Variants in MACO1 observed in about 807,000 individuals in gnomAD.
The protein encoded by MACO1 is macoilin.
MACO1 carries 14 observed loss-of-function variants against 78.7 expected under a neutral mutation model. The observed-to-expected ratio is 0.18, with a 90% CI of 0.12 to 0.28. The LOEUF (loss-of-function observed/expected upper bound fraction) is 0.28, where lower values mean the gene tolerates loss of function less well. Ranked by LOEUF, MACO1 falls within the 10% of genes least tolerant of loss-of-function variation. MACO1 has a pLI of 1.00. For missense variants in MACO1, 501 were observed against 799.0 expected (o/e 0.63, Z 4.50); for synonymous variants, 288 against 291.6 (o/e 0.99, Z 0.12).
intron 6 of MACO1, among the ~76,000 whole-genome samples, chr1:25,475,478 G>A (rs116420445): frequency 0.017 from 2,614 of 151,528 alleles, 32 homozygotes; most frequent in Non-Finnish European, 0.028. Context: ...TTGAGAGGCC[G>A]AGGTGGGAGG....
rs906391554 is a variant in MACO1 at position 25,487,611 on chromosome 1, TTATGA to T, written c.1497-1559_1497-1555del. ...TGCCATCATCTCTTTTAGCTCAACC[TTATGA>T]TAGCCCTGAGAAGCAGCTCAACAGT... is the stretch of plus-strand genomic sequence containing the variant. On this transcript the variant is annotated intron_variant, in intron 8 of 10. Transcript: ENST00000374343. 8.5e-4 allele frequency among the ~76,000 whole-genome samples: 129 copies of T among 152,332 alleles called. 1 individual carries two copies. Among genetic ancestry groups the T allele is most frequent in the African/African-American group, 2.3e-3 (96 of 41,578 alleles).
chr1:25,476,407 G>A (rs1052165083), intron 6 of MACO1, among the ~76,000 whole-genome samples: 3 of 152,196 alleles, frequency 2.0e-5, no homozygotes, highest in African/African-American at 7.2e-5. Context: ...TGACACCAGA[G>A]GCAGCTTCAT....
At chr1:25,439,973 G>A (rs996731868) in intron 1 of MACO1, among the ~76,000 whole-genome samples, 18 of 148,834 alleles carry the variant, frequency 1.2e-4, no homozygotes, top group African/African-American at 2.5e-4. Flanking sequence ...AGCCGAGATC[G>A]TACCATTGCA....
chr1:25,440,714 G>A (rs1042285094), intron 1 of MACO1, among the ~76,000 whole-genome samples: 1 of 148,042 alleles, frequency 6.8e-6, no homozygotes, highest in Non-Finnish European at 1.5e-5. Context: ...GTTGCAGTGA[G>A]CCAAGATTGC....
intron 4 of MACO1, among the ~76,000 whole-genome samples, chr1:25,454,928 G>A (rs184226198): frequency 6.6e-6 from 1 of 152,262 alleles, no homozygotes; most frequent in Admixed American, 6.5e-5. Flanking sequence ...TCAGGCAGAT[G>A]AGTGAATCCC....
At chr1:25,451,759 AGC>A (rs1331404931) in intron 3 of MACO1, among the ~76,000 whole-genome samples, 2 of 152,064 alleles carry the variant, frequency 1.3e-5, no homozygotes. Context: ...TACAAAAATT[AGC>A]CAGGCATGGT....
chr1:25,492,620 G>A (rs189607097), intron 10 of MACO1, among the ~76,000 whole-genome samples: 3 of 152,164 alleles, frequency 2.0e-5, no homozygotes, highest in Admixed American at 2.0e-4. Flanking sequence ...AGACTGTATG[G>A]GACTTGAGGC....
At chr1:25,474,502 TC>T (rs1471343618) in intron 6 of MACO1, among the ~76,000 whole-genome samples, 1 of 152,224 alleles carries the variant, frequency 6.6e-6, no homozygotes, top group Non-Finnish European at 1.5e-5. Flanking sequence ...TCTTCAGTCT[TC>T]TGTGCTCCTA....
At chr1:25,448,434 A>G (rs919628930) in intron 2 of MACO1, among the ~76,000 whole-genome samples, 6 of 152,192 alleles carry the variant, frequency 3.9e-5, no homozygotes, top group African/African-American at 1.4e-4. Context: ...ACTGCACTCC[A>G]GCCTGGGTGA....
At chr1:25,475,550 CAAAAA>C (rs1162367298) in intron 6 of MACO1, among the ~76,000 whole-genome samples, 1 of 56,982 alleles carries the variant, frequency 1.8e-5, no homozygotes, top group Non-Finnish European at 4.1e-5. Context: ...CCAGGCTCTA[CAAAAA>C]AAAAAAAAAA....
At chr1:25,490,130 AC>A (rs1325219651) in intron 9 of MACO1, among the ~76,000 whole-genome samples, 3 of 151,968 alleles carry the variant, frequency 2.0e-5, no homozygotes, top group African/African-American at 7.2e-5. Context: ...GATTTTCTAA[AC>A]ATACAAGCAA....
chr1:25,465,454 G>C (rs1363741256), intron 6 of MACO1, among the ~76,000 whole-genome samples: 1 of 152,114 alleles, frequency 6.6e-6, no homozygotes, highest in Non-Finnish European at 1.5e-5. Flanking sequence ...GCCAGCACTT[G>C]GTATTGTCAG....
intron 3 of MACO1, among the ~76,000 whole-genome samples, chr1:25,451,968 A>G (rs1043782443): frequency 6.6e-5 from 10 of 151,892 alleles, no homozygotes; most frequent in Non-Finnish European, 1.0e-4. Flanking sequence ...AAAGAAAAGG[A>G]AAAAAAGTAC....
At chr1:25,468,017 A>G (rs1414502226) in intron 6 of MACO1, among the ~76,000 whole-genome samples, 1 of 152,150 alleles carries the variant, frequency 6.6e-6, no homozygotes, top group Admixed American at 6.5e-5. Flanking sequence ...TGCAAATACA[A>G]CTAACATTGG....
At chr1:25,475,718 T>C (rs2043316366) in intron 6 of MACO1, among the ~76,000 whole-genome samples, 1 of 152,154 alleles carries the variant, frequency 6.6e-6, no homozygotes. Flanking sequence ...TATCGAATAA[T>C]AATTAAAATG....
chr1:25,473,517 G>C (rs1185844989), intron 6 of MACO1, among the ~76,000 whole-genome samples: 1 of 152,148 alleles, frequency 6.6e-6, no homozygotes, highest in Non-Finnish European at 1.5e-5. Flanking sequence ...AGTCCCGAGA[G>C]TTCATTCTAT....
intron 1 of MACO1, among the ~76,000 whole-genome samples, chr1:25,432,433 G>A (rs972478035): frequency 3.9e-5 from 6 of 152,218 alleles, no homozygotes; most frequent in African/African-American, 1.4e-4. Context: ...GAGCATAGGA[G>A]TAATTCATTC....
At chr1:25,461,027 AG>A (rs1390104249) in intron 6 of MACO1, among the ~76,000 whole-genome samples, 1 of 152,132 alleles carries the variant, frequency 6.6e-6, no homozygotes, top group African/African-American at 2.4e-5. Flanking sequence ...AATACTATGC[AG>A]CCATAAAAAA....
In MACO1 at chr1:25,458,638, T is replaced by C; in HGVS notation, c.900T>C (p.Asn300=). 1.2e-6 allele frequency: 2 copies of C among 1,614,076 alleles called. No individual in the cohort carries two copies. Among genetic ancestry groups the C allele is most frequent in the Non-Finnish European group, 8.5e-7 (1 of 1,180,002 alleles). ...ATATCAATAGTAAAAGATTAAATAATGATCTTGTGGGAAGTACAGAAAATC... is the reference window on the plus strand; with the variant it reads ...ATATCAATAGTAAAAGATTAAATAACGATCTTGTGGGAAGTACAGAAAATC... ...ENHINSKRLN[N]DLVGSTENLL... Residue 300 remains asparagine (N), a synonymous_variant, in exon 6 of 11, where the codon AAT becomes AAC. Coordinates refer to ENST00000374343, the MANE Select transcript of MACO1 (RefSeq NM_018202.6).
Sources: gnomAD v4.1 joint callset for allele counts (sites outside exome capture counted in the v4.1 genomes callset) on GRCh38, gnomAD v4.1.1 for gene constraint, MANE v1.5 for transcripts, NCBI Gene and HGNC (gene_info 2026-07-23, HGNC 2026-07-21) for gene names.